LRP1B: variants seen among roughly 807,000 people sequenced by gnomAD.
LRP1B encodes LDL receptor related protein 1B, also known as low-density lipoprotein receptor-related protein 1B.
A neutral mutation model predicts 556.6 loss-of-function variants in LRP1B; 217 were observed. The ratio of observed to expected loss-of-function variants is 0.39; its 90% confidence interval spans 0.35 to 0.44. The LOEUF (loss-of-function observed/expected upper bound fraction) is 0.44. LRP1B is among the 20% of genes least tolerant of loss of function. The probability of loss-of-function intolerance (pLI) is 1.00; values close to 1 mark genes in which losing one functional copy is unlikely to be tolerated. For missense variants in LRP1B, 5,053 were observed against 5,620.8 expected (o/e 0.90, Z 3.23); for synonymous variants, 2,047 against 1,865.8 (o/e 1.10, Z -2.50).
chr2:140,371,905 A>T (rs780573675), intron 69 of LRP1B, among the ~76,000 whole-genome samples: 3 of 152,102 alleles, frequency 2.0e-5, no homozygotes, highest in Non-Finnish European at 2.9e-5. Flanking sequence ...TTCCTTTATG[A>T]TGCCGAAATT....
chr2:140,335,017 TTAAGTA>T (rs2105084639), intron 78 of LRP1B, among the ~76,000 whole-genome samples: 1 of 152,132 alleles, frequency 6.6e-6, no homozygotes, highest in South Asian at 2.1e-4. Context: ...ATTCTAATAA[TTAAGTA>T]TAAGTTGTCT....
intron 27 of LRP1B, among the ~76,000 whole-genome samples, chr2:140,867,161 A>G (rs1160205542): frequency 1.3e-5 from 2 of 152,084 alleles, no homozygotes; most frequent in Non-Finnish European, 2.9e-5. Flanking sequence ...GATGGGGTTC[A>G]CTGTTGAACC....
chr2:141,799,639 G>A (rs1012000883), intron 2 of LRP1B, among the ~76,000 whole-genome samples: 2 of 152,050 alleles, frequency 1.3e-5, no homozygotes, highest in African/African-American at 2.4e-5. Flanking sequence ...AGGCCTTATG[G>A]ATCCTCACTT....
chr2:140,522,285 A>C (rs1159418709), intron 49 of LRP1B, among the ~76,000 whole-genome samples: 1 of 152,046 alleles, frequency 6.6e-6, no homozygotes, highest in Non-Finnish European at 1.5e-5. Context: ...GGAATACTCA[A>C]AACCACATAA....
At chr2:141,017,444 CA>C (rs1697936108) in intron 12 of LRP1B, among the ~76,000 whole-genome samples, 1 of 147,844 alleles carries the variant, frequency 6.8e-6, no homozygotes, top group Admixed American at 6.9e-5. Context: ...TCAAATCACA[CA>C]TACATGTGCC....
intron 3 of LRP1B, among the ~76,000 whole-genome samples, chr2:141,386,600 T>TA (rs533877611): frequency 8.6e-5 from 13 of 151,864 alleles, no homozygotes; most frequent in African/African-American, 2.4e-4. Flanking sequence ...TAGACTTATG[T>TA]AAAAAAACTA....
At chr2:140,810,818 C>T (rs1038606932) in intron 32 of LRP1B, among the ~76,000 whole-genome samples, 1 of 152,102 alleles carries the variant, frequency 6.6e-6, no homozygotes, top group Non-Finnish European at 1.5e-5. Flanking sequence ...CTCACTGCAA[C>T]CTCCACCTCC....
intron 1 of LRP1B, among the ~76,000 whole-genome samples, chr2:142,069,709 G>A (rs955844278): frequency 1.1e-4 from 16 of 151,812 alleles, no homozygotes; most frequent in African/African-American, 3.1e-4. Context: ...TTTTGCATGC[G>A]AACTTTTTTC....
chr2:140,323,063 T>C (rs1335911344), intron 81 of LRP1B, among the ~76,000 whole-genome samples: 1 of 151,982 alleles, frequency 6.6e-6, no homozygotes, highest in African/African-American at 2.4e-5. Context: ...AGAAGTGATT[T>C]GAATAAACAC....
intron 1 of LRP1B, among the ~76,000 whole-genome samples, chr2:142,050,338 A>G (rs965994852): frequency 7.9e-4 from 121 of 152,280 alleles, no homozygotes; most frequent in Middle Eastern, 3.4e-3. Context: ...AACCTTAATA[A>G]TTCTAATCTA....
chr2:141,174,925 T>G (rs1021398805), intron 7 of LRP1B, among the ~76,000 whole-genome samples: 1 of 152,048 alleles, frequency 6.6e-6, no homozygotes, highest in Non-Finnish European at 1.5e-5. Context: ...TGGTTTTAGA[T>G]TGAGATTAGG....
At chr2:141,006,890 C>T (rs193122615) in intron 14 of LRP1B, among the ~76,000 whole-genome samples, 1 of 151,968 alleles carries the variant, frequency 6.6e-6, no homozygotes, top group East Asian at 1.9e-4. Context: ...AGGACCATCA[C>T]CATACATGCA....
intron 71 of LRP1B, among the ~76,000 whole-genome samples, chr2:140,370,362 T>C (rs1009860304): frequency 5.3e-5 from 8 of 151,992 alleles, no homozygotes; most frequent in African/African-American, 1.7e-4. Context: ...GGAAAGGATA[T>C]ACAGAAAATT....
intron 1 of LRP1B, among the ~76,000 whole-genome samples, chr2:142,024,620 G>GGT (rs373416436): frequency 1.5e-5 from 2 of 131,030 alleles, no homozygotes; most frequent in Middle Eastern, 4.3e-3. Flanking sequence ...CAGCTGAAAT[G>GGT]TTTTTTTTTT....
At chr2:141,548,164 C>T (rs1685619018) in intron 2 of LRP1B, among the ~76,000 whole-genome samples, 1 of 152,130 alleles carries the variant, frequency 6.6e-6, no homozygotes, top group South Asian at 2.1e-4. Flanking sequence ...ATGTCAATTT[C>T]CTCATCTATA....
At chr2:140,919,956 A>T (rs1694688407) in intron 21 of LRP1B, among the ~76,000 whole-genome samples, 1 of 152,114 alleles carries the variant, frequency 6.6e-6, no homozygotes. Flanking sequence ...TAAAAATAAA[A>T]TGACTCATTG....
rs377577096 is a variant in LRP1B, at chr2:141,909,526, ATTTTTTTTTTTTTT to A, written c.83-99139_83-99126del. Among the ~76,000 whole-genome samples the A allele has an allele frequency of 8.1e-3, 758 of 93,440 alleles. 6 individuals are homozygous for A. The highest frequency in any genetic ancestry group is 0.017 in the South Asian group (55 of 3,254). The allele number at this position is 93,440 out of a possible 152,430, so 61.3% of individuals were successfully genotyped here. ...ATTTAATCAGACTAAGGTCTCAGAC[ATTTTTTTTTTTTTT>A]TTTTTTTTTTTTTTTTTTTTACCTC... On this transcript the variant is annotated intron_variant, in intron 1 of 90. Transcript: ENST00000389484.
chr2:140,433,474 G>T (rs919989322), intron 66 of LRP1B, among the ~76,000 whole-genome samples: 14 of 152,128 alleles, frequency 9.2e-5, no homozygotes, highest in African/African-American at 3.4e-4. Context: ...AATTTCCAGA[G>T]TTCTGATATG....
At chr2:141,387,152 T>C (rs536112866) in intron 3 of LRP1B, among the ~76,000 whole-genome samples, 1 of 151,624 alleles carries the variant, frequency 6.6e-6, no homozygotes, top group Non-Finnish European at 1.5e-5. Context: ...AAAAGACAAA[T>C]GAAAACAAAA....
Sources: gnomAD v4.1 joint callset for allele counts (sites outside exome capture counted in the v4.1 genomes callset) on GRCh38, gnomAD v4.1.1 for gene constraint, MANE v1.5 for transcripts, NCBI Gene and HGNC (gene_info 2026-07-23, HGNC 2026-07-21) for gene names.